Variants in TXLNG observed in about 807,000 individuals in gnomAD.
TXLNG encodes taxilin gamma.
In TXLNG, 5 loss-of-function variants were observed where a neutral mutation model predicts 38.8. The ratio of observed to expected loss-of-function variants is 0.13; its 90% CI spans 0.07 to 0.27. The LOEUF is 0.27. TXLNG is among the 10% of genes least tolerant of loss of function. The pLI, the probability that TXLNG is intolerant of heterozygous loss-of-function variation, is 1.00. For synonymous variants in TXLNG, 182 were observed against 158.2 expected, an observed-to-expected ratio of 1.15 and a Z score of -1.13; for missense variants, 393 against 398.2, an observed-to-expected ratio of 0.99 and a Z score of 0.11.
chrX:16,812,299 G>A (rs1004708608), intron 1 of TXLNG, among the ~76,000 whole-genome samples: 1 of 109,870 alleles, frequency 9.1e-6, no homozygotes, highest in African/African-American at 3.3e-5. Flanking sequence ...ATGAGCCACC[G>A]TGCCTGGCCA....
chrX:16,787,834 T>C (rs1008936015), intron 1 of TXLNG, among the ~76,000 whole-genome samples: 3 of 112,261 alleles, frequency 2.7e-5, no homozygotes, highest in Non-Finnish European at 5.6e-5. Context: ...AATTACGAAA[T>C]AATATTTTTC....
rs1273795027 is a variant in TXLNG, at chrX:16,841,520, G to C, written c.1341G>C (p.Glu447Asp). 3.3e-6 allele frequency: 4 copies of C among 1,210,148 alleles called. No individual in the cohort carries two copies. The highest frequency in any genetic ancestry group is 3.5e-5 in the African/African-American group (2 of 57,176). ...GGGCTCTTCAGACAGAAAGGAATGA[G>C]CTCAATGAGAAGGTGGAAGTCCTGA... is the stretch of plus-strand genomic sequence containing the variant. The part of the protein sequence containing the change: ...LCRALQTERN[E>D]LNEKVEVLKE... The change falls in exon 10 of 10, where the codon GAG (glutamate) becomes GAC (aspartate). Residue 447 changes from glutamate to aspartate, a missense_variant. Physicochemically the swap from Glu to Asp is conservative, Grantham distance 45. Coordinates refer to ENST00000380122, the MANE Select transcript of TXLNG (RefSeq NM_018360.3).
In TXLNG at chrX:16,790,874, C is replaced by A. The variant is rs756077044; in HGVS notation, c.102+4285C>A. Among the ~76,000 whole-genome samples the A allele has an allele frequency of 2.0e-4, 22 of 111,982 alleles. No homozygotes were observed. In the South Asian group the frequency reaches 7.4e-3, roughly 37 times the overall value. ...CTGAGTCTGGAACCCAATACTCTTT[C>A]ATCTATACTACAGTAATGAGTAGTG... is the stretch of plus-strand genomic sequence containing the variant. On this transcript the variant is annotated intron_variant, in intron 1 of 9. Coordinates refer to ENST00000380122, the MANE Select transcript of TXLNG (RefSeq NM_018360.3).
intron 1 of TXLNG, among the ~76,000 whole-genome samples, chrX:16,810,718 T>G (rs1928480959): frequency 8.9e-6 from 1 of 112,434 alleles, no homozygotes; most frequent in African/African-American, 3.2e-5. Flanking sequence ...AGACAGAGTC[T>G]TGCTCTATTG....
rs1406977106 is a variant in TXLNG, at chrX:16,843,853, G to C, written c.*2087G>C. 9.0e-6 allele frequency: 1 copy of C among 111,569 alleles called. No individual in the cohort carries two copies. Among genetic ancestry groups the C allele is most frequent in the African/African-American group, 3.3e-5 (1 of 30,589 alleles). The allele number at this position is 111,569 out of a possible 1,213,427, so 9.2% of individuals were successfully genotyped here. On this transcript the variant is annotated 3_prime_UTR_variant, in exon 10 of 10. Coordinates refer to ENST00000380122, the MANE Select transcript of TXLNG (RefSeq NM_018360.3). ...TATGGATTCTGTCTGGGATGCATTT[G>C]TTGTCCTTTCAGAACCCTTCCTCCC...
intron 1 of TXLNG, among the ~76,000 whole-genome samples, chrX:16,798,122 T>C: frequency 8.9e-6 from 1 of 112,398 alleles, no homozygotes; most frequent in Non-Finnish European, 1.9e-5. Context: ...ATGGGTCTCT[T>C]TTCCCCATGT....
chrX:16,791,075 G>C (rs1452422976), intron 1 of TXLNG, among the ~76,000 whole-genome samples: 10 of 112,169 alleles, frequency 8.9e-5, no homozygotes, highest in Non-Finnish European at 1.3e-4. Context: ...GAGTTGATGG[G>C]ACACATTTGG....
intron 1 of TXLNG, among the ~76,000 whole-genome samples, chrX:16,815,635 C>T (rs1928711494): frequency 9.0e-6 from 1 of 111,489 alleles, no homozygotes. Context: ...GATTCTCCTG[C>T]CCCAGCCTCC....
chrX:16,833,783 C>T (rs968071576), intron 6 of TXLNG, among the ~76,000 whole-genome samples: 11 of 111,491 alleles, frequency 9.9e-5, no homozygotes, highest in African/African-American at 3.6e-4. Flanking sequence ...TTCTTGAAAG[C>T]ACAAGTACTA....
At chrX:16,827,609 T>C (rs1403924885) in intron 3 of TXLNG, among the ~76,000 whole-genome samples, 1 of 111,620 alleles carries the variant, frequency 9.0e-6, no homozygotes, top group Admixed American at 9.6e-5. Flanking sequence ...AGATCTGTGA[T>C]CAGTGTCTGA....
rs760328977 is a variant in TXLNG, at chrX:16,841,210, A to G, written c.1249-218A>G. Among the ~76,000 whole-genome samples the G allele has an allele frequency of 8.1e-5, 9 of 110,460 alleles. 1 individual carries two copies. The highest frequency in any genetic ancestry group is 1.5e-4 in the Non-Finnish European group (8 of 52,789). ...CTCTGTCTCAAAAAAAAAAAAAGTG[A>G]CAAAAGGAATTTAATTTTGTCCCCC... On this transcript the variant is annotated intron_variant, in intron 9 of 9. Coordinates refer to ENST00000380122, the MANE Select transcript of TXLNG (RefSeq NM_018360.3).
intron 1 of TXLNG, among the ~76,000 whole-genome samples, chrX:16,795,092 A>G (rs1234624571): frequency 1.8e-5 from 2 of 110,042 alleles, no homozygotes; most frequent in Non-Finnish European, 3.8e-5. Context: ...CCTGGCTAAG[A>G]TGGTGAAACC....
In TXLNG at chrX:16,841,859, A is replaced by T; in HGVS notation, c.*93A>T. The T allele has an allele frequency of 1.0e-6, 1 of 957,409 alleles. No individual in the cohort carries two copies. The highest frequency in any genetic ancestry group is 1.4e-6 in the Non-Finnish European group (1 of 697,783). 78.9% of individuals were successfully genotyped at this position (957,409 alleles called of 1,213,427 possible). On this transcript the variant is annotated 3_prime_UTR_variant, in exon 10 of 10. Coordinates refer to ENST00000380122, the MANE Select transcript of TXLNG (RefSeq NM_018360.3). ...TTGGTTTTGTGGTGAAAATTTTCTT[A>T]CTTTTTCTACCATATCTGTATTTTC...
At position 16,842,560 on chromosome X, in the gene TXLNG, A is replaced by C. The variant is rs1333897691; in HGVS notation, c.*794A>C. 8.9e-6 allele frequency: 1 copy of C among 111,893 alleles called. No homozygotes were observed. The highest frequency in any genetic ancestry group is 3.3e-5 in the African/African-American group (1 of 30,723). The allele number at this position is 111,893 out of a possible 1,213,427, so 9.2% of individuals were successfully genotyped here. On this transcript the variant is annotated 3_prime_UTR_variant, in exon 10 of 10. Transcript: ENST00000380122. ...GTACATATTCTCCACTTCCCATAGA[A>C]GGCCACTTATTCTTTGAAAACTGGT...
At position 16,822,843 on chromosome X, in the gene TXLNG, T is replaced by TA. The variant is rs1461526391; in HGVS notation, c.498+2589dup. 2.7e-5 allele frequency among the ~76,000 whole-genome samples: 3 copies of TA among 111,827 alleles called. No homozygotes were observed. The East Asian group carries it at 8.4e-4, about 31-fold the overall frequency. On this transcript the variant is annotated intron_variant, in intron 3 of 9. Coordinates refer to ENST00000380122, the MANE Select transcript of TXLNG (RefSeq NM_018360.3). ...GGTTAAAATGCACATTCTGATTCAC[T>TA]AGGCCTTGGTTGGGGCCTGAGGATC...
intron 9 of TXLNG, 48 bp downstream of exon 9, chrX:16,839,964 CCTT>C (rs759257696): frequency 1.0e-5 from 10 of 987,461 alleles, no homozygotes; most frequent in East Asian, 3.2e-5. Context: ...CATGGGGACT[CCTT>C]GAGTTCAGGT....
chrX:16,811,660 T>G (rs1163361601), intron 1 of TXLNG, among the ~76,000 whole-genome samples: 2 of 108,043 alleles, frequency 1.9e-5, no homozygotes, highest in Admixed American at 2.0e-4. Flanking sequence ...TTTTTTTTTT[T>G]GAGACGGAGT....
rs752101697 is a variant in TXLNG, at chrX:16,819,111, A to T, written c.406+234A>T. Among the ~76,000 whole-genome samples the T allele has an allele frequency of 1.6e-4, 17 of 109,306 alleles. No homozygotes were observed. In the South Asian group the frequency reaches 6.3e-3, roughly 41 times the overall value. 94.9% of individuals were successfully genotyped at this position (109,306 alleles called of 115,157 possible). Reference sequence around the variant, plus strand: ...TAATCAAGAATTGGCTAATTAAAAAATTTTTTTTGTAGAGACAGGTTCTCA... The same window carrying T: ...TAATCAAGAATTGGCTAATTAAAAATTTTTTTTTGTAGAGACAGGTTCTCA... On this transcript the variant is annotated intron_variant, in intron 2 of 9. Coordinates refer to ENST00000380122, the MANE Select transcript of TXLNG (RefSeq NM_018360.3).
chrX:16,822,846 G>A (rs73452436), intron 3 of TXLNG, among the ~76,000 whole-genome samples: 4,754 of 111,582 alleles, frequency 0.043, 252 homozygotes, highest in African/African-American at 0.15. Context: ...GATTCACTAG[G>A]CCTTGGTTGG....
Sources: gnomAD v4.1 joint callset for allele counts (sites outside exome capture counted in the v4.1 genomes callset) on GRCh38, gnomAD v4.1.1 for gene constraint, MANE v1.5 for transcripts, NCBI Gene and HGNC (gene_info 2026-07-23, HGNC 2026-07-21) for gene names.